Variants in TPD52 observed in about 807,000 individuals in gnomAD.
TPD52 encodes the protein prostate and colon associated protein.
A neutral mutation model predicts 31.3 loss-of-function variants in TPD52; 17 were observed. That is an observed-to-expected ratio of 0.54 (90% CI 0.37 to 0.82). TPD52 has a LOEUF of 0.82. TPD52 is among the 40% of genes least tolerant of loss of function. The probability of loss-of-function intolerance (pLI) is 0.00; values close to 1 mark genes in which losing one functional copy is unlikely to be tolerated. For missense variants in TPD52, 212 were observed against 240.1 expected, an observed-to-expected ratio of 0.88 and a Z score of 0.77; for synonymous variants, 83 against 89.6, an observed-to-expected ratio of 0.93 and a Z score of 0.42.
chr8:80,151,074 C>T (rs557112057), intron 1 of TPD52, among the ~76,000 whole-genome samples: 79 of 152,256 alleles, frequency 5.2e-4, no homozygotes, highest in African/African-American at 1.3e-3. Flanking sequence ...AACTGAATCA[C>T]GGGGGCAGGT....
At chr8:80,129,411 A>C (rs1808857857) in intron 1 of TPD52, among the ~76,000 whole-genome samples, 1 of 152,222 alleles carries the variant, frequency 6.6e-6, no homozygotes, top group African/African-American at 2.4e-5. Context: ...ATTCCCATAC[A>C]AGCATTACAA....
At chr8:80,145,405 G>A (rs117534071) in intron 1 of TPD52, among the ~76,000 whole-genome samples, 3,391 of 152,250 alleles carry the variant, frequency 0.022, 51 homozygotes, top group Non-Finnish European at 0.035. Context: ...ACATTTTCAC[G>A]GGAAAGTTGC....
intron 1 of TPD52, among the ~76,000 whole-genome samples, chr8:80,136,064 A>G (rs1166218653): frequency 0.012 from 1,720 of 140,596 alleles, 15 homozygotes; most frequent in Middle Eastern, 0.021. Context: ...GCGCACCAGC[A>G]TGGCACATGT....
At chr8:80,150,123 G>A (rs1810469053) in intron 1 of TPD52, among the ~76,000 whole-genome samples, 1 of 152,256 alleles carries the variant, frequency 6.6e-6, no homozygotes, top group Non-Finnish European at 1.5e-5. Flanking sequence ...GGTGTCCTGT[G>A]TCCCAGCTTC....
chr8:80,065,119 C>T (rs778197420), intron 1 of TPD52, among the ~76,000 whole-genome samples: 3 of 151,912 alleles, frequency 2.0e-5, no homozygotes, highest in South Asian at 2.1e-4. Flanking sequence ...AGGCAGAAAA[C>T]ATCTTCTTGT....
chr8:80,050,555 T>TA, intron 4 of TPD52, 84 bp from the exon 5 acceptor site: 5 of 1,381,612 alleles, frequency 3.6e-6, no homozygotes, highest in Non-Finnish European at 4.9e-6. Context: ...TTTAAACATA[T>TA]AATGTTTTCC....
chr8:80,117,558 C>T (rs1807948223), intron 1 of TPD52, among the ~76,000 whole-genome samples: 1 of 151,994 alleles, frequency 6.6e-6, no homozygotes, highest in Non-Finnish European at 1.5e-5. Context: ...ATGACAATAC[C>T]TCTCAATCAA....
At chr8:80,138,295 C>A (rs1292737644) in intron 1 of TPD52, among the ~76,000 whole-genome samples, 1 of 152,176 alleles carries the variant, frequency 6.6e-6, no homozygotes, top group Admixed American at 6.5e-5. Context: ...TAAAAGGTAC[C>A]TGTGTTTGAC....
At chr8:80,049,355 T>C (rs1358761965) in intron 5 of TPD52, among the ~76,000 whole-genome samples, 4 of 152,222 alleles carry the variant, frequency 2.6e-5, no homozygotes, top group African/African-American at 4.8e-5. Flanking sequence ...TGTATTCAGT[T>C]ACTTATAGCA....
chr8:80,034,916 A>G lies in TPD52; in HGVS notation c.*3200T>C, dbSNP rs1809801702. 6.6e-6 allele frequency: 1 copy of G among 152,168 alleles called. No homozygotes were observed. The highest frequency in any genetic ancestry group is 1.5e-5 in the Non-Finnish European group (1 of 68,032). The allele number at this position is 152,168 out of a possible 1,614,324, so 9.4% of individuals were successfully genotyped here. ...TTTGAGTACAAAATCCTGGCAGGCA[A>G]AAGCACTTGCAGACCCGACTCTCTG... On this transcript the variant is annotated 3_prime_UTR_variant, in exon 8 of 8. Coordinates refer to ENST00000518937, the MANE Select transcript of TPD52 (RefSeq NM_001025253.3).
chr8:80,047,651 CAG>C (rs1322764509), intron 5 of TPD52, among the ~76,000 whole-genome samples: 4 of 152,138 alleles, frequency 2.6e-5, no homozygotes, highest in African/African-American at 7.2e-5. Flanking sequence ...GGGCATGAAA[CAG>C]AGAAAAGTTC....
chr8:80,070,458 G>T (rs1416578130), intron 1 of TPD52, among the ~76,000 whole-genome samples: 1 of 152,150 alleles, frequency 6.6e-6, no homozygotes, highest in Non-Finnish European at 1.5e-5. Flanking sequence ...TGATGATTTT[G>T]AGAGGAAACT....
chr8:80,084,253 T>C (rs1815558195), intron 1 of TPD52, among the ~76,000 whole-genome samples: 1 of 152,188 alleles, frequency 6.6e-6, no homozygotes, highest in South Asian at 2.1e-4. Flanking sequence ...GAGAGGTCCA[T>C]AGTTCCCACC....
At chr8:80,154,894 T>C (rs1810844811) in intron 1 of TPD52, among the ~76,000 whole-genome samples, 1 of 152,156 alleles carries the variant, frequency 6.6e-6, no homozygotes, top group African/African-American at 2.4e-5. Context: ...AAATTATGTA[T>C]ATGATGATCT....
chr8:80,132,946 C>T (rs937344992), intron 1 of TPD52, among the ~76,000 whole-genome samples: 21 of 152,148 alleles, frequency 1.4e-4, no homozygotes, highest in Non-Finnish European at 3.1e-4. Flanking sequence ...GGTCCCCATG[C>T]CACTTTTGAG....
rs116780748 is a variant in TPD52 at position 80,066,554 on chromosome 8, T to C, written c.20-1961A>G. Reference sequence around the variant, plus strand: ...GACTGCCCAAATAATATTTCTATAATAGAAATCTGACTGTATCACTCTTCA... The same window carrying C: ...GACTGCCCAAATAATATTTCTATAACAGAAATCTGACTGTATCACTCTTCA... On this transcript the variant is annotated intron_variant, in intron 1 of 7. Coordinates refer to ENST00000518937, the MANE Select transcript of TPD52 (RefSeq NM_001025253.3). Among the ~76,000 whole-genome samples the C allele has an allele frequency of 5.5e-3, 839 of 152,322 alleles. 8 individuals carry two copies. Among genetic ancestry groups the C allele is most frequent in the African/African-American group, 0.018 (743 of 41,572 alleles).
chr8:80,124,564 A>G (rs1808472882), intron 1 of TPD52, among the ~76,000 whole-genome samples: 1 of 152,242 alleles, frequency 6.6e-6, no homozygotes, highest in Non-Finnish European at 1.5e-5. Flanking sequence ...ACATACACAC[A>G]CAGTATGGCA....
chr8:80,080,384 T>C, intron 1 of TPD52: 1 of 1,614,184 alleles, frequency 6.2e-7, no homozygotes, highest in Non-Finnish European at 8.5e-7. Context: ...AGATAGCTTT[T>C]GTTCACTCCT....
chr8:80,166,749 C>CA (rs1421654540), intron 1 of TPD52, among the ~76,000 whole-genome samples: 4 of 151,252 alleles, frequency 2.6e-5, no homozygotes, highest in Admixed American at 1.3e-4. Flanking sequence ...ACTAAAAATA[C>CA]AAAAAAATTA....
Sources: gnomAD v4.1 joint callset for allele counts (sites outside exome capture counted in the v4.1 genomes callset) on GRCh38, gnomAD v4.1.1 for gene constraint, MANE v1.5 for transcripts, NCBI Gene and HGNC (gene_info 2026-07-23, HGNC 2026-07-21) for gene names.